The following OSBPL1A variants were observed in gnomAD, a reference collection of about 807,000 sequenced individuals.
OSBPL1A encodes the protein oxysterol binding protein like 1A, also known as oxysterol-binding protein-related protein 1.
In OSBPL1A, 80 loss-of-function variants were observed where a neutral mutation model predicts 137.1. That is an observed-to-expected ratio of 0.58 (90% confidence interval 0.49 to 0.70). The LOEUF is 0.70. Among genes scored for constraint, OSBPL1A ranks in the 30% least tolerant of loss-of-function variants. OSBPL1A has a pLI of 0.00. For missense variants in OSBPL1A, 970 were observed against 1,129.4 expected, an observed-to-expected ratio of 0.86 and a Z score of 2.02; for synonymous variants, 365 against 389.7, an observed-to-expected ratio of 0.94 and a Z score of 0.75.
chr18:24,313,988 C>T (rs2090672795), intron 12 of OSBPL1A, among the ~76,000 whole-genome samples: 1 of 152,118 alleles, frequency 6.6e-6, no homozygotes, highest in African/African-American at 2.4e-5. Context: ...GCCTGTAGTC[C>T]CAGCTACTCA....
At chr18:24,236,678 T>C (rs59915007) in intron 16 of OSBPL1A, among the ~76,000 whole-genome samples, 3,197 of 152,288 alleles carry the variant, frequency 0.021, 116 homozygotes, top group African/African-American at 0.073. Context: ...CCACTTCCTA[T>C]AGCCATGGCA....
At chr18:24,376,900 A>G (rs1469264740) in intron 2 of OSBPL1A, among the ~76,000 whole-genome samples, 2 of 152,186 alleles carry the variant, frequency 1.3e-5, no homozygotes, top group Admixed American at 6.5e-5. Context: ...GCCCACGCCC[A>G]CGCCCACACG....
chr18:24,302,977 TTG>T (rs56746838), intron 14 of OSBPL1A, among the ~76,000 whole-genome samples: 15 of 149,882 alleles, frequency 1.0e-4, no homozygotes, highest in African/African-American at 2.9e-4. Context: ...AAGACATTCT[TTG>T]TGTGTGTGTG....
chr18:24,350,688 C>G (rs2091423322), intron 4 of OSBPL1A, among the ~76,000 whole-genome samples: 1 of 152,124 alleles, frequency 6.6e-6, no homozygotes, highest in African/African-American at 2.4e-5. Context: ...GACTTCTCAA[C>G]AACAACACTA....
chr18:24,318,724 T>C (rs1382321526), intron 8 of OSBPL1A, 24 bp downstream of exon 8: 2 of 1,599,342 alleles, frequency 1.3e-6, no homozygotes, highest in Admixed American at 1.7e-5. Context: ...AATTATTAGA[T>C]AAATTTAATT....
chr18:24,359,696 TA>T (rs201488749), intron 4 of OSBPL1A, among the ~76,000 whole-genome samples: 80 of 150,244 alleles, frequency 5.3e-4, no homozygotes, highest in Middle Eastern at 6.9e-3. Flanking sequence ...AAATAAAAAT[TA>T]AAAAAAAATA....
chr18:24,192,334 A>G, intron 18 of OSBPL1A, among the ~76,000 whole-genome samples: 1 of 152,170 alleles, frequency 6.6e-6, no homozygotes, highest in East Asian at 1.9e-4. Flanking sequence ...CTTTCGGATT[A>G]AAGAGTCCTG....
intron 1 of OSBPL1A, among the ~76,000 whole-genome samples, chr18:24,391,501 T>G (rs1018812583): frequency 6.8e-6 from 1 of 147,628 alleles, no homozygotes. Flanking sequence ...GGCAGGAGGA[T>G]AGCCTGAGAC....
chr18:24,365,353 G>A (rs950952167), intron 4 of OSBPL1A, among the ~76,000 whole-genome samples: 3 of 152,170 alleles, frequency 2.0e-5, no homozygotes, highest in African/African-American at 7.2e-5. Flanking sequence ...GGGAGGCTGA[G>A]GTGGGTGGAT....
At chr18:24,249,589 T>C (rs1249024557) in intron 15 of OSBPL1A, among the ~76,000 whole-genome samples, 2 of 151,774 alleles carry the variant, frequency 1.3e-5, no homozygotes, top group African/African-American at 4.8e-5. Context: ...GCATGGAGAG[T>C]ATCTGCACTT....
chr18:24,318,744 G>A lies in OSBPL1A; in HGVS notation c.687+4C>T. 2 of 1,611,338 alleles carry A rather than the reference G, an allele frequency of 1.2e-6. No homozygotes were observed. The highest frequency in any genetic ancestry group is 1.7e-6 in the Non-Finnish European group (2 of 1,178,824). On this transcript the variant is annotated splice_donor_region_variant and intron_variant, in intron 8 of 27. Transcript: ENST00000319481. Reference sequence around the variant, plus strand: ...TTAGATAAATTTAATTCATTACTCTGTACCTTATTACCAACAAGAATGTGT... The same window carrying A: ...TTAGATAAATTTAATTCATTACTCTATACCTTATTACCAACAAGAATGTGT...
chr18:24,283,264 C>CAAAAAAAA lies in OSBPL1A; in HGVS notation c.1175-2324_1175-2317dup, dbSNP rs67218844. Among the ~76,000 whole-genome samples, 41 of 30,712 alleles carry CAAAAAAAA rather than the reference C, an allele frequency of 1.3e-3. 1 individual carries two copies. Among genetic ancestry groups the CAAAAAAAA allele is most frequent in the Non-Finnish European group, 2.0e-3 (33 of 16,558 alleles). 20.1% of individuals were successfully genotyped at this position (30,712 alleles called of 152,430 possible). The stretch of plus-strand genomic sequence containing the variant: ...TGGGAGACAGAGCAAGACTCCATCT[C>CAAAAAAAA]AAAAAAAAAAAAAAAAAATATATAT... On this transcript the variant is annotated intron_variant, in intron 14 of 27. Coordinates refer to ENST00000319481, the MANE Select transcript of OSBPL1A (RefSeq NM_080597.4).
chr18:24,372,730 C>G (rs538596458), intron 2 of OSBPL1A, among the ~76,000 whole-genome samples: 1 of 152,260 alleles, frequency 6.6e-6, no homozygotes, highest in Non-Finnish European at 1.5e-5. Flanking sequence ...GTCCTCACAT[C>G]TAGTATTTCC....
At chr18:24,255,921 A>T (rs914842791) in intron 15 of OSBPL1A, among the ~76,000 whole-genome samples, 41 of 152,034 alleles carry the variant, frequency 2.7e-4, no homozygotes, top group African/African-American at 9.9e-4. Context: ...CAGCCCCCCA[A>T]GTAGTTGGGA....
rs151290243 is a variant in OSBPL1A at position 24,214,410 on chromosome 18, A to G, written c.1601+10632T>C. Among the ~76,000 whole-genome samples, 14 of 152,266 alleles carry G rather than the reference A, an allele frequency of 9.2e-5. No individual in the cohort carries two copies. In the East Asian group the frequency reaches 2.7e-3, roughly 29 times the overall value. On this transcript the variant is annotated intron_variant, in intron 17 of 27. Transcript: ENST00000319481. ...AGGTGGTGAGCACACATCTACTAACATCTCTCCACATTCCAAAAAGGATCC... is the reference window on the plus strand; with the variant it reads ...AGGTGGTGAGCACACATCTACTAACGTCTCTCCACATTCCAAAAAGGATCC...
At chr18:24,169,801 G>T (rs565914113) in intron 24 of OSBPL1A, among the ~76,000 whole-genome samples, 10 of 152,200 alleles carry the variant, frequency 6.6e-5, no homozygotes, top group Admixed American at 2.6e-4. Flanking sequence ...AAGAAGCCAC[G>T]TATGTGCCTC....
intron 4 of OSBPL1A, among the ~76,000 whole-genome samples, chr18:24,351,927 A>G (rs541892814): frequency 2.0e-5 from 3 of 152,262 alleles, no homozygotes; most frequent in Non-Finnish European, 2.9e-5. Context: ...CACAGTCAGA[A>G]TAACATAAAC....
chr18:24,185,493 G>A (rs993344382), intron 18 of OSBPL1A, among the ~76,000 whole-genome samples: 2 of 151,962 alleles, frequency 1.3e-5, no homozygotes, highest in African/African-American at 4.8e-5. Flanking sequence ...CTAATTTTTT[G>A]TATCTTTAGT....
At chr18:24,192,025 T>C (rs528073475) in intron 18 of OSBPL1A, among the ~76,000 whole-genome samples, 2 of 152,348 alleles carry the variant, frequency 1.3e-5, no homozygotes, top group Admixed American at 6.5e-5. Flanking sequence ...TACAACACTT[T>C]TCTTTCACTT....
Sources: allele counts gnomAD v4.1 joint callset (sites outside exome capture counted in the v4.1 genomes callset), GRCh38; gene constraint gnomAD v4.1.1; transcripts MANE v1.5; gene names NCBI Gene and HGNC (gene_info 2026-07-23, HGNC 2026-07-21).